ANKRD31: variants seen among roughly 807,000 people sequenced by gnomAD.
ANKRD31 encodes the protein ankyrin repeat domain 31, also known as ankyrin repeat domain-containing protein 31.
A neutral mutation model predicts 186.0 loss-of-function variants in ANKRD31; 147 were observed. The ratio of observed to expected loss-of-function variants is 0.79; its 90% CI spans 0.69 to 0.91. ANKRD31 has a LOEUF of 0.91. ANKRD31 is among the 40% of genes least tolerant of loss of function. The pLI is 0.00. For synonymous variants in ANKRD31, 673 were observed against 736.4 expected, an observed-to-expected ratio of 0.91 and a Z score of 1.39; for missense variants, 1,986 against 2,148.8, an observed-to-expected ratio of 0.92 and a Z score of 1.50.
At chr5:75,091,594 C>T (rs1227155157) in intron 22 of ANKRD31, among the ~76,000 whole-genome samples, 193 bp from the exon 23 acceptor site, 1 of 152,030 alleles carries the variant, frequency 6.6e-6, no homozygotes, top group African/African-American at 2.4e-5. Flanking sequence ...TCAACAAAAT[C>T]TACAAAAATC....
intron 17 of ANKRD31, among the ~76,000 whole-genome samples, chr5:75,130,447 C>CT (rs1749688908): frequency 6.6e-6 from 1 of 152,176 alleles, no homozygotes; most frequent in African/African-American, 2.4e-5. Context: ...GATTGGTCCA[C>CT]TTTAAAGAGA....
chr5:75,166,193 G>A (rs1212306358), intron 11 of ANKRD31, among the ~76,000 whole-genome samples: 1 of 152,184 alleles, frequency 6.6e-6, no homozygotes, highest in African/African-American at 2.4e-5. Flanking sequence ...TGCAAGGCCA[G>A]GTGTGGCAGC....
At chr5:75,164,964 A>G (rs975542845) in intron 11 of ANKRD31, among the ~76,000 whole-genome samples, 2 of 152,188 alleles carry the variant, frequency 1.3e-5, no homozygotes, top group Non-Finnish European at 2.9e-5. Flanking sequence ...TGAAAGGTAG[A>G]ATTTTTAGGT....
At position 75,137,937 on chromosome 5, in the gene ANKRD31, T is replaced by G; in HGVS notation, c.3795A>C (p.Leu1265Phe). 2 of 1,534,102 alleles carry G rather than the reference T, an allele frequency of 1.3e-6. No individual in the cohort carries two copies. The highest frequency in any genetic ancestry group is 8.7e-7 in the Non-Finnish European group (1 of 1,145,446). ...CACAATTAACCTTAGCACCAGCTTT[T>G]AATAACTCTACAATTATATCAATAG... ...EGSIDIIVELLKAGAKVNCEN... is the reference protein window; with the variant it reads ...EGSIDIIVELFKAGAKVNCEN... The change falls in exon 17 of 26, where the codon TTA (leucine) becomes TTC (phenylalanine). Residue 1265 changes from leucine (L) to phenylalanine (F), a missense_variant. Leu to Phe is a conservative substitution (Grantham distance 22, BLOSUM62 0). Transcript: ENST00000506364.
chr5:75,236,392 G>A (rs1157717533), intron 1 of ANKRD31, among the ~76,000 whole-genome samples, 191 bp downstream of exon 1: 1 of 152,182 alleles, frequency 6.6e-6, no homozygotes, highest in Non-Finnish European at 1.5e-5. Context: ...CTGGTTGGGG[G>A]TAGGTGGGAA....
chr5:75,186,357 A>T (rs1441398834), intron 10 of ANKRD31, among the ~76,000 whole-genome samples: 3 of 152,228 alleles, frequency 2.0e-5, no homozygotes, highest in Non-Finnish European at 4.4e-5. Flanking sequence ...TAATGTAGCC[A>T]CCGTTAACAC....
intron 17 of ANKRD31, among the ~76,000 whole-genome samples, chr5:75,130,034 C>T (rs1041290596): frequency 1.3e-5 from 2 of 152,276 alleles, no homozygotes; most frequent in African/African-American, 2.4e-5. Context: ...GTGAGTGTTA[C>T]AGTTCTTAAA....
Position 75,195,740 on chromosome 5 carries a change from G to A in ANKRD31, c.908C>T (p.Thr303Ile), listed in dbSNP as rs768126842. The A allele has an allele frequency of 3.9e-6, 6 of 1,537,302 alleles. No individual in the cohort carries two copies. The African/African-American group carries it at 6.9e-5, about 18-fold the overall frequency. The part of the protein sequence containing the change: ...LNTLSEAKVE[T>I]ICHRKEGGSS... ...ACCTCCCTCTTTTCTGTGACAGATG[G>A]TTTCCACCTTGGCTTCTGACAATGT... The change falls in exon 7 of 26, where the codon ACC becomes ATC. Residue 303 changes from threonine (T) to isoleucine (I), a missense_variant. Transcript: ENST00000506364.
intron 25 of ANKRD31, among the ~76,000 whole-genome samples, chr5:75,074,058 C>T (rs1744439436): frequency 6.6e-6 from 1 of 152,140 alleles, no homozygotes; most frequent in African/African-American, 2.4e-5. Context: ...CACTCAAGTT[C>T]ACTGTCAGCA....
chr5:75,154,414 ACTACT>A (rs1464534123), intron 11 of ANKRD31, 69 bp from the exon 12 acceptor site: 7 of 1,315,234 alleles, frequency 5.3e-6, no homozygotes, highest in Non-Finnish European at 7.0e-6. Context: ...GTGCTAGCAG[ACTACT>A]CTAAGTAACA....
chr5:75,120,700 G>A (rs1416141289), intron 17 of ANKRD31, among the ~76,000 whole-genome samples: 1 of 152,076 alleles, frequency 6.6e-6, no homozygotes, highest in Non-Finnish European at 1.5e-5. Flanking sequence ...GAAAAAAAAT[G>A]AAGAAACAAA....
intron 3 of ANKRD31, among the ~76,000 whole-genome samples, chr5:75,219,322 A>G (rs1027096191): frequency 6.6e-6 from 1 of 152,220 alleles, no homozygotes; most frequent in Non-Finnish European, 1.5e-5. Flanking sequence ...TACAAAAATC[A>G]GTAGCATTCC....
At chr5:75,182,673 A>T (rs925223248) in intron 10 of ANKRD31, among the ~76,000 whole-genome samples, 1 of 151,542 alleles carries the variant, frequency 6.6e-6, no homozygotes, top group Non-Finnish European at 1.5e-5. Context: ...GAGCCGAGAT[A>T]GCGCCATTGC....
chr5:75,094,519 G>A (rs1217017286), intron 22 of ANKRD31, among the ~76,000 whole-genome samples: 2 of 151,906 alleles, frequency 1.3e-5, no homozygotes, highest in Non-Finnish European at 2.9e-5. Context: ...GCTACTGCAA[G>A]CACAACTCAA....
At chr5:75,078,478 T>C (rs1217584452) in intron 25 of ANKRD31, among the ~76,000 whole-genome samples, 2 of 152,136 alleles carry the variant, frequency 1.3e-5, no homozygotes, top group Non-Finnish European at 2.9e-5. Flanking sequence ...AATGAACAAA[T>C]GATGTTAGGT....
intron 1 of ANKRD31, among the ~76,000 whole-genome samples, chr5:75,231,906 AAC>A (rs56755264): frequency 0.089 from 12,873 of 144,540 alleles, 631 homozygotes; most frequent in African/African-American, 0.14. Flanking sequence ...ACTGTCTCAA[AAC>A]ACACACACAC....
intron 22 of ANKRD31, among the ~76,000 whole-genome samples, chr5:75,100,952 TTGA>T (rs748482613): frequency 2.0e-5 from 3 of 152,214 alleles, no homozygotes; most frequent in Non-Finnish European, 2.9e-5. Flanking sequence ...ATGTATGAAT[TTGA>T]TCCTGTTATT....
At chr5:75,118,402 G>T in intron 17 of ANKRD31, 105 bp from the exon 18 acceptor site, 1 of 1,122,620 alleles carries the variant, frequency 8.9e-7, no homozygotes, top group Non-Finnish European at 1.2e-6. Flanking sequence ...TCAAAAGAAT[G>T]TTTTCAAACT....
At chr5:75,130,358 A>G (rs1205469828) in intron 17 of ANKRD31, among the ~76,000 whole-genome samples, 1 of 152,220 alleles carries the variant, frequency 6.6e-6, no homozygotes, top group Non-Finnish European at 1.5e-5. Context: ...ACAGTGTGGA[A>G]AGGGACCTCA....
Sources: gnomAD v4.1 joint callset for allele counts (sites outside exome capture counted in the v4.1 genomes callset) on GRCh38, gnomAD v4.1.1 for gene constraint, MANE v1.5 for transcripts, NCBI Gene and HGNC (gene_info 2026-07-23, HGNC 2026-07-21) for gene names.